Variants in RBMS3 observed in about 807,000 individuals in gnomAD.
RBMS3 encodes the protein RNA-binding motif, single-stranded-interacting protein 3.
A neutral mutation model predicts 66.8 loss-of-function variants in RBMS3; 27 were observed. The observed-to-expected ratio is 0.40, with a 90% confidence interval of 0.30 to 0.56. RBMS3 has a LOEUF of 0.56. RBMS3 is among the 20% of genes least tolerant of loss of function. The probability of loss-of-function intolerance (pLI) is 0.40; values close to 1 mark genes in which losing one functional copy is unlikely to be tolerated. For missense variants in RBMS3, 513 were observed against 549.5 expected (o/e 0.93, Z 0.66); for synonymous variants, 188 against 183.0 (o/e 1.03, Z -0.22).
chr3:29,631,264 A>G (rs13322757), intron 4 of RBMS3, among the ~76,000 whole-genome samples: 6,733 of 151,916 alleles, frequency 0.044, 433 homozygotes, highest in East Asian at 0.33. Context: ...TTTCTATTAC[A>G]CTATGATAAA....
intron 8 of RBMS3, among the ~76,000 whole-genome samples, chr3:29,886,636 GT>G (rs1201077625): frequency 6.6e-6 from 1 of 151,612 alleles, no homozygotes; most frequent in African/African-American, 2.4e-5. Flanking sequence ...AGTTTAAAAA[GT>G]TTTTTTGTTG....
chr3:29,361,105 T>A (rs1046934122), intron 1 of RBMS3, among the ~76,000 whole-genome samples: 4 of 152,088 alleles, frequency 2.6e-5, no homozygotes, highest in Admixed American at 2.6e-4. Context: ...GTTAGCTGGT[T>A]ATTTTGCTCG....
intron 6 of RBMS3, among the ~76,000 whole-genome samples, chr3:29,855,474 T>G (rs1577003396): frequency 6.6e-6 from 1 of 152,206 alleles, no homozygotes; most frequent in East Asian, 1.9e-4. Flanking sequence ...TCTTTGATTA[T>G]GATTATTTTT....
Position 29,661,076 on chromosome 3 carries a change from C to T in RBMS3, c.399+73871C>T, listed in dbSNP as rs572520772. ...CCAGGAGCATGCGTACAGCTACCTG[C>T]CACGAGGATTGGGGTGGGGAATGGG... On this transcript the variant is annotated intron_variant, in intron 4 of 14. Transcript: ENST00000383767. 7.9e-5 allele frequency among the ~76,000 whole-genome samples: 12 copies of T among 152,300 alleles called. 1 individual carries two copies. The South Asian group carries it at 2.3e-3, about 29-fold the overall frequency.
intron 14 of RBMS3, among the ~76,000 whole-genome samples, chr3:29,994,567 A>C (rs1699092603): frequency 6.6e-6 from 1 of 152,342 alleles, no homozygotes; most frequent in Admixed American, 6.5e-5. Context: ...TTCTCCCAGC[A>C]CGCAGCTGGA....
At chr3:29,826,647 G>T (rs1284105247) in intron 6 of RBMS3, among the ~76,000 whole-genome samples, 1 of 152,052 alleles carries the variant, frequency 6.6e-6, no homozygotes, top group Non-Finnish European at 1.5e-5. Context: ...TTCTTTTCTG[G>T]ATGCTCCAGG....
At chr3:29,674,431 G>A (rs1014847980) in intron 4 of RBMS3, among the ~76,000 whole-genome samples, 3 of 152,040 alleles carry the variant, frequency 2.0e-5, no homozygotes, top group Admixed American at 6.6e-5. Flanking sequence ...AAGAAAGAAA[G>A]GGTATTCAGT....
chr3:29,699,590 A>G (rs546534756), intron 4 of RBMS3, among the ~76,000 whole-genome samples: 2 of 152,318 alleles, frequency 1.3e-5, no homozygotes, highest in South Asian at 2.1e-4. Context: ...GGAAATTAGG[A>G]TGTATGTAAC....
chr3:29,679,429 A>C (rs1035112332), intron 4 of RBMS3, among the ~76,000 whole-genome samples: 2 of 152,174 alleles, frequency 1.3e-5, no homozygotes, highest in Admixed American at 6.5e-5. Context: ...TAAGAAGCTT[A>C]TTAAAATGAA....
intron 14 of RBMS3, 31 bp from the exon 15 acceptor site, chr3:30,003,825 A>T: frequency 7.2e-7 from 1 of 1,389,404 alleles, no homozygotes; most frequent in East Asian, 2.6e-5. Context: ...ACTTTAATTT[A>T]ATGACCACTC....
intron 6 of RBMS3, among the ~76,000 whole-genome samples, chr3:29,825,695 T>C (rs1000097656): frequency 1.3e-5 from 2 of 152,166 alleles, no homozygotes; most frequent in African/African-American, 4.8e-5. Flanking sequence ...CTTTATAAAT[T>C]ACCCAGTCTT....
chr3:29,775,419 T>A (rs1330696219), intron 6 of RBMS3, among the ~76,000 whole-genome samples: 1 of 151,990 alleles, frequency 6.6e-6, no homozygotes, highest in African/African-American at 2.4e-5. Flanking sequence ...AATATGTGAA[T>A]GTTGTATTAA....
intron 10 of RBMS3, among the ~76,000 whole-genome samples, chr3:29,907,449 A>G (rs1018080420): frequency 7.2e-5 from 11 of 152,050 alleles, no homozygotes; most frequent in Non-Finnish European, 1.3e-4. Context: ...ATTTAGGTGT[A>G]GATGTTGAAC....
At chr3:29,663,063 G>A (rs538340285) in intron 4 of RBMS3, among the ~76,000 whole-genome samples, 1 of 152,056 alleles carries the variant, frequency 6.6e-6, no homozygotes, top group Non-Finnish European at 1.5e-5. Flanking sequence ...TTGCTTGTTT[G>A]TTTGTTTGGT....
intron 6 of RBMS3, among the ~76,000 whole-genome samples, chr3:29,829,228 A>G (rs528372116): frequency 1.3e-4 from 20 of 152,146 alleles, no homozygotes; most frequent in African/African-American, 4.3e-4. Flanking sequence ...TAATTTTAGT[A>G]GAGACAGGGT....
intron 3 of RBMS3, among the ~76,000 whole-genome samples, chr3:29,581,433 T>C (rs2047324617): frequency 6.6e-6 from 1 of 152,056 alleles, no homozygotes; most frequent in Non-Finnish European, 1.5e-5. Context: ...CCATCAGACT[T>C]CCAGGCAGCC....
chr3:29,744,897 C>G (rs1245622625), intron 5 of RBMS3, among the ~76,000 whole-genome samples: 2 of 151,696 alleles, frequency 1.3e-5, no homozygotes, highest in Non-Finnish European at 2.9e-5. Context: ...ATTCAGAAAA[C>G]CTGAATAATT....
chr3:29,299,678 T>C (rs556147266), intron 1 of RBMS3, among the ~76,000 whole-genome samples: 2 of 152,048 alleles, frequency 1.3e-5, no homozygotes, highest in South Asian at 2.1e-4. Context: ...GTTTTAGGTA[T>C]TATAAGTAAC....
At chr3:29,387,203 G>A (rs755324783) in intron 1 of RBMS3, among the ~76,000 whole-genome samples, 2 of 152,064 alleles carry the variant, frequency 1.3e-5, no homozygotes, top group Non-Finnish European at 2.9e-5. Flanking sequence ...CACTATGGTT[G>A]ACTTCTCACC....
Sources: allele counts gnomAD v4.1 joint callset (sites outside exome capture counted in the v4.1 genomes callset), GRCh38; gene constraint gnomAD v4.1.1; transcripts MANE v1.5; gene names NCBI Gene and HGNC (gene_info 2026-07-23, HGNC 2026-07-21).